The following ERC1 variants were observed in gnomAD, a reference collection of about 807,000 sequenced individuals.
The protein encoded by ERC1 is RAB6 interacting protein 2.
ERC1 carries 56 observed loss-of-function variants against 132.0 expected under a neutral mutation model. The ratio of observed to expected loss-of-function variants is 0.42; its 90% CI spans 0.34 to 0.53. The LOEUF (loss-of-function observed/expected upper bound fraction) is 0.53. Ranked by LOEUF, ERC1 falls within the 20% of genes least tolerant of loss-of-function variation. The probability of loss-of-function intolerance (pLI) is 0.03; values close to 1 mark genes in which losing one functional copy is unlikely to be tolerated. For missense variants in ERC1, 1,202 were observed against 1,349.9 expected (o/e 0.89, Z 1.72); for synonymous variants, 478 against 476.1 (o/e 1.00, Z -0.05).
At chr12:1,444,774 A>G (rs770769696) in intron 18 of ERC1, 24 bp downstream of exon 18, 5 of 1,599,634 alleles carry the variant, frequency 3.1e-6, no homozygotes, top group Non-Finnish European at 4.2e-6. Context: ...TCAAACTTTG[A>G]AAAGAGCCTG....
At chr12:1,445,700 G>A (rs572079378) in intron 18 of ERC1, among the ~76,000 whole-genome samples, 4 of 152,180 alleles carry the variant, frequency 2.6e-5, no homozygotes, top group South Asian at 2.1e-4. Context: ...AAGGAAGTAC[G>A]ATTCTTGGCT....
chr12:1,172,886 C>T (rs940866422), intron 8 of ERC1, among the ~76,000 whole-genome samples: 1 of 152,164 alleles, frequency 6.6e-6, no homozygotes, highest in Non-Finnish European at 1.5e-5. Flanking sequence ...GAAAGTTAGG[C>T]TAAACAGATT....
At chr12:1,287,051 GA>G (rs1320706319) in intron 14 of ERC1, among the ~76,000 whole-genome samples, 1 of 152,148 alleles carries the variant, frequency 6.6e-6, no homozygotes, top group Non-Finnish European at 1.5e-5. Context: ...TTAAGATAAT[GA>G]ATGTAGTATT....
intron 1 of ERC1, among the ~76,000 whole-genome samples, chr12:1,015,953 A>C (rs1040938723): frequency 3.9e-5 from 6 of 151,922 alleles, no homozygotes; most frequent in African/African-American, 1.5e-4. Flanking sequence ...TTATGTCAGA[A>C]TTTCACATAT....
At chr12:998,833 T>A (rs1460405244) in intron 1 of ERC1, among the ~76,000 whole-genome samples, 2 of 151,488 alleles carry the variant, frequency 1.3e-5, no homozygotes, top group African/African-American at 4.8e-5. Flanking sequence ...TTGCTGGTTC[T>A]CTGGGCTCTT....
intron 8 of ERC1, among the ~76,000 whole-genome samples, chr12:1,172,752 ATTATT>A (rs1347895379): frequency 1.3e-5 from 2 of 149,050 alleles, no homozygotes; most frequent in Admixed American, 6.8e-5. Flanking sequence ...TTCTGTAACA[ATTATT>A]TTATTAATTT....
At chr12:1,258,935 T>A (rs2154320970) in intron 13 of ERC1, among the ~76,000 whole-genome samples, 1 of 152,322 alleles carries the variant, frequency 6.6e-6, no homozygotes, top group South Asian at 2.1e-4. Flanking sequence ...GGTCTGCTTT[T>A]CTCTTTTCAC....
In ERC1 at chr12:1,450,308, G is replaced by C. The variant is rs112632009; in HGVS notation, c.3213+5558G>C. Among the ~76,000 whole-genome samples the C allele has an allele frequency of 1.3e-3, 202 of 152,178 alleles. 2 individuals are homozygous for C. The highest frequency in any genetic ancestry group is 2.1e-3 in the African/African-American group (87 of 41,532). On this transcript the variant is annotated intron_variant, in intron 18 of 18. Coordinates refer to ENST00000360905, the MANE Select transcript of ERC1 (RefSeq NM_178040.4). ...CTTGCAGAACTGAAACGCCATACCT[G>C]TTAAACAGTAACTCCCCATTCTCCC...
chr12:1,154,701 T>C (rs1407367278), intron 8 of ERC1, among the ~76,000 whole-genome samples: 2 of 151,870 alleles, frequency 1.3e-5, no homozygotes, highest in Non-Finnish European at 2.9e-5. Flanking sequence ...TACAAGGAAC[T>C]TAAATCAACA....
chr12:1,154,758 A>C (rs979433502), intron 8 of ERC1, among the ~76,000 whole-genome samples: 10 of 152,170 alleles, frequency 6.6e-5, no homozygotes, highest in African/African-American at 1.9e-4. Flanking sequence ...GCATGAATAG[A>C]CATTTCTCAA....
At position 1,169,415 on chromosome 12, in the gene ERC1, A is replaced by G. The variant is rs575770856; in HGVS notation, c.1738-11125A>G. Among the ~76,000 whole-genome samples the G allele has an allele frequency of 3.9e-5, 6 of 152,300 alleles. No individual in the cohort carries two copies. In the South Asian group the frequency reaches 1.0e-3, roughly 26 times the overall value. On this transcript the variant is annotated intron_variant, in intron 8 of 18. Coordinates refer to ENST00000360905, the MANE Select transcript of ERC1 (RefSeq NM_178040.4). ...GAATTCCTTCCCCCTACTTGGGACA[A>G]CAGCTTCAGAGCTCCTCGTGGGGTT...
chr12:1,355,365 C>T (rs969114255), intron 15 of ERC1, among the ~76,000 whole-genome samples: 2 of 152,094 alleles, frequency 1.3e-5, no homozygotes, highest in African/African-American at 4.8e-5. Flanking sequence ...CCATTCTTTG[C>T]TCATGGGCCA....
At chr12:1,262,650 T>C (rs1445865835) in intron 13 of ERC1, among the ~76,000 whole-genome samples, 1 of 151,774 alleles carries the variant, frequency 6.6e-6, no homozygotes, top group Non-Finnish European at 1.5e-5. Context: ...AAGAGTGTTT[T>C]GATATTCGGT....
intron 8 of ERC1, among the ~76,000 whole-genome samples, chr12:1,161,114 T>G (rs1951848066): frequency 1.3e-5 from 2 of 152,220 alleles, no homozygotes; most frequent in African/African-American, 4.8e-5. Context: ...TCATTCCGCA[T>G]AGTGTTTTCC....
At chr12:994,430 C>T (rs1960371486) in intron 1 of ERC1, among the ~76,000 whole-genome samples, 1 of 152,084 alleles carries the variant, frequency 6.6e-6, no homozygotes, top group Non-Finnish European at 1.5e-5. Context: ...TGCCTGAGTT[C>T]AAATCCTGGC....
chr12:1,236,688 C>A, intron 12 of ERC1, 81 bp from the exon 13 acceptor site: 1 of 1,359,296 alleles, frequency 7.4e-7, no homozygotes, highest in South Asian at 1.6e-5. Context: ...TCCTTATTGT[C>A]ACTGGTGTAA....
intron 6 of ERC1, among the ~76,000 whole-genome samples, chr12:1,114,128 A>T (rs1946188579): frequency 6.6e-6 from 1 of 151,898 alleles, no homozygotes; most frequent in Non-Finnish European, 1.5e-5. Flanking sequence ...GGTTCAAGCG[A>T]TTCTCCTGCC....
chr12:1,183,287 CT>C lies in ERC1; in HGVS notation c.2027del (p.Leu676TrpfsTer3). Reference sequence around the variant, plus strand: ...TGTGTGTTCCTTCTTTTAGGCTTCACTTTTGGATCTGAAAGAGCATGCTTCT... The same window carrying C: ...TGTGTGTTCCTTCTTTTAGGCTTCACTTTGGATCTGAAAGAGCATGCTTCT... ...QGDLSEKEAS[L>X]LDLKEHASSL... On this transcript the variant is annotated frameshift_variant, in exon 11 of 19. Coordinates refer to ENST00000360905, the MANE Select transcript of ERC1 (RefSeq NM_178040.4). LOFTEE classifies it high-confidence loss of function. 6.4e-7 allele frequency: 1 copy of C among 1,556,368 alleles called. No individual in the cohort carries two copies. The highest frequency in any genetic ancestry group is 8.7e-7 in the Non-Finnish European group (1 of 1,144,882).
chr12:1,405,643 C>T (rs1166994427), intron 16 of ERC1, among the ~76,000 whole-genome samples: 3 of 152,134 alleles, frequency 2.0e-5, no homozygotes, highest in Non-Finnish European at 4.4e-5. Flanking sequence ...GCAGAGGTTG[C>T]AGTGAGCCAG....
Sources: gnomAD v4.1 joint callset for allele counts (sites outside exome capture counted in the v4.1 genomes callset) on GRCh38, gnomAD v4.1.1 for gene constraint, MANE v1.5 for transcripts, NCBI Gene and HGNC (gene_info 2026-07-23, HGNC 2026-07-21) for gene names.